PIAS2: variants seen among roughly 807,000 people sequenced by gnomAD.
PIAS2 encodes protein inhibitor of activated STAT 2.
PIAS2 carries 19 observed loss-of-function variants against 69.7 expected under a neutral mutation model. That is an observed-to-expected ratio of 0.27 (90% CI 0.19 to 0.40). The LOEUF (loss-of-function observed/expected upper bound fraction) is 0.40, where lower values mean the gene tolerates loss of function less well. Ranked by LOEUF, PIAS2 falls within the 10% of genes least tolerant of loss-of-function variation. PIAS2 has a pLI of 1.00. For synonymous variants in PIAS2, 261 were observed against 263.2 expected, an observed-to-expected ratio of 0.99 and a Z score of 0.08; for missense variants, 624 against 757.0, an observed-to-expected ratio of 0.82 and a Z score of 2.06.
At chr18:46,862,712 T>C (rs1332880094) in intron 3 of PIAS2, among the ~76,000 whole-genome samples, 2 of 151,980 alleles carry the variant, frequency 1.3e-5, no homozygotes, top group South Asian at 2.1e-4. Flanking sequence ...CATATATGTA[T>C]ATATTCTTTT....
At chr18:46,875,807 C>G (rs1228945322) in intron 2 of PIAS2, among the ~76,000 whole-genome samples, 1 of 152,212 alleles carries the variant, frequency 6.6e-6, no homozygotes, top group African/African-American at 2.4e-5. Context: ...GCCAGAGGCC[C>G]AGACTGTCCC....
intron 2 of PIAS2, among the ~76,000 whole-genome samples, chr18:46,865,871 T>G (rs1399542206): frequency 6.6e-6 from 1 of 152,206 alleles, no homozygotes; most frequent in Non-Finnish European, 1.5e-5. Flanking sequence ...GAAACATAAG[T>G]AAGCCTCTCC....
At chr18:46,901,204 G>C in intron 1 of PIAS2, 2 of 355,728 alleles carry the variant, frequency 5.6e-6, no homozygotes, top group Middle Eastern at 9.5e-4. Context: ...GATCACCTGC[G>C]GTCAGGAGTT....
intron 2 of PIAS2, among the ~76,000 whole-genome samples, chr18:46,866,622 T>C (rs2049509307): frequency 6.6e-6 from 1 of 152,240 alleles, no homozygotes; most frequent in Non-Finnish European, 1.5e-5. Context: ...CTGTATTTTC[T>C]TCTTGTAATT....
chr18:46,813,286 T>C (rs777945433), intron 13 of PIAS2, among the ~76,000 whole-genome samples: 3 of 152,308 alleles, frequency 2.0e-5, no homozygotes, highest in Non-Finnish European at 2.9e-5. Context: ...CTTCTCGTGA[T>C]GCCTGCTTAA....
At position 46,808,152 on chromosome 18, in the gene PIAS2, G is replaced by A. The variant is rs978330198; in HGVS notation, c.*4281C>T. ...TTAATGACATGGAATAATGCCTGTAGGTTGCGGGGAAAAACCCCAAGATAT... is the reference window on the plus strand; with the variant it reads ...TTAATGACATGGAATAATGCCTGTAAGTTGCGGGGAAAAACCCCAAGATAT... On this transcript the variant is annotated 3_prime_UTR_variant, in exon 14 of 14. Transcript: ENST00000585916. The A allele has an allele frequency of 2.0e-5, 3 of 152,166 alleles. No individual in the cohort carries two copies. Among genetic ancestry groups the A allele is most frequent in the African/African-American group, 4.8e-5 (2 of 41,442 alleles). The allele number at this position is 152,166 out of a possible 1,614,324, so 9.4% of individuals were successfully genotyped here.
intron 3 of PIAS2, among the ~76,000 whole-genome samples, chr18:46,859,203 TG>T (rs759456567): frequency 1.3e-5 from 2 of 151,830 alleles, no homozygotes; most frequent in Non-Finnish European, 2.9e-5. Flanking sequence ...CCGAAGCGGG[TG>T]GATCATGAGG....
At chr18:46,838,413 T>G (rs1599571526) in intron 8 of PIAS2, among the ~76,000 whole-genome samples, 1 of 152,176 alleles carries the variant, frequency 6.6e-6, no homozygotes. Context: ...GCAGAGCAGG[T>G]CTGACCTGGG....
chr18:46,817,357 C>A, intron 12 of PIAS2: 1 of 969,818 alleles, frequency 1.0e-6, no homozygotes, highest in Non-Finnish European at 1.2e-6. Flanking sequence ...TTAAAATACG[C>A]AAGCTTGATA....
chr18:46,840,818 T>C (rs2045272038), intron 8 of PIAS2, among the ~76,000 whole-genome samples: 1 of 152,196 alleles, frequency 6.6e-6, no homozygotes, highest in South Asian at 2.1e-4. Flanking sequence ...TATGAATGGT[T>C]ATCTAAGTAA....
intron 3 of PIAS2, among the ~76,000 whole-genome samples, chr18:46,863,666 T>C (rs1445539581): frequency 1.3e-5 from 2 of 152,360 alleles, no homozygotes; most frequent in East Asian, 3.9e-4. Context: ...TGAGGTTTTA[T>C]TCAAAGGTTA....
At chr18:46,830,357 G>A (rs1022469435) in intron 9 of PIAS2, among the ~76,000 whole-genome samples, 4 of 151,906 alleles carry the variant, frequency 2.6e-5, no homozygotes, top group Admixed American at 1.3e-4. Flanking sequence ...AATTAAGTCC[G>A]TACCAGAAAA....
chr18:46,861,144 G>A (rs2048600944), intron 3 of PIAS2, among the ~76,000 whole-genome samples: 1 of 151,998 alleles, frequency 6.6e-6, no homozygotes, highest in South Asian at 2.1e-4. Flanking sequence ...GCCAGGCATG[G>A]TGAAGAATCG....
At chr18:46,818,195 AAACAT>A in intron 12 of PIAS2, 2 of 1,176,976 alleles carry the variant, frequency 1.7e-6, no homozygotes, top group Non-Finnish European at 2.1e-6. Context: ...ACTTTTAACA[AAACAT>A]AACTGCTACA....
At chr18:46,882,803 T>C (rs1020304730) in intron 2 of PIAS2, among the ~76,000 whole-genome samples, 1 of 152,134 alleles carries the variant, frequency 6.6e-6, no homozygotes, top group African/African-American at 2.4e-5. Context: ...GGTGCAAAAC[T>C]CTAGGGAACA....
At chr18:46,860,194 T>C (rs1036161333) in intron 3 of PIAS2, among the ~76,000 whole-genome samples, 3 of 152,318 alleles carry the variant, frequency 2.0e-5, no homozygotes, top group Non-Finnish European at 2.9e-5. Flanking sequence ...TTGGGTTCAA[T>C]CCTGAGATTC....
chr18:46,866,522 TCAC>T (rs1295155258), intron 2 of PIAS2, among the ~76,000 whole-genome samples: 1 of 152,134 alleles, frequency 6.6e-6, no homozygotes, highest in Non-Finnish European at 1.5e-5. Flanking sequence ...TAAAACAAAA[TCAC>T]CAGGATTATT....
chr18:46,846,250 T>C (rs1197122006), intron 6 of PIAS2, among the ~76,000 whole-genome samples: 6 of 152,186 alleles, frequency 3.9e-5, no homozygotes, highest in Admixed American at 2.0e-4. Context: ...AATATTTTTA[T>C]ACAAATGCTT....
chr18:46,822,808 G>A (rs1241806785), intron 11 of PIAS2, among the ~76,000 whole-genome samples: 3 of 152,090 alleles, frequency 2.0e-5, no homozygotes, highest in Non-Finnish European at 4.4e-5. Context: ...CTGGGGAGGG[G>A]ACTAAAGAAG....
Sources: gnomAD v4.1 joint callset for allele counts (sites outside exome capture counted in the v4.1 genomes callset) on GRCh38, gnomAD v4.1.1 for gene constraint, MANE v1.5 for transcripts, NCBI Gene and HGNC (gene_info 2026-07-23, HGNC 2026-07-21) for gene names.